The following ASZ1 variants were observed in gnomAD, a reference collection of about 807,000 sequenced individuals.
The protein encoded by ASZ1 is ankyrin repeat, SAM and basic leucine zipper domain containing 1.
In ASZ1, 67 loss-of-function variants were observed where a neutral mutation model predicts 61.8. The observed-to-expected ratio is 1.08, with a 90% CI of 0.89 to 1.33. ASZ1 has a LOEUF of 1.33. ASZ1 is among the 40% of genes most tolerant of loss of function. ASZ1 has a pLI of 0.00. For synonymous variants in ASZ1, 193 were observed against 192.7 expected (o/e 1.00, Z -0.01); for missense variants, 577 against 554.5 (o/e 1.04, Z -0.41).
At chr7:117,393,815 A>G (rs1796523933) in intron 4 of ASZ1, among the ~76,000 whole-genome samples, 1 of 152,134 alleles carries the variant, frequency 6.6e-6, no homozygotes, top group South Asian at 2.1e-4. Flanking sequence ...TTGGACATAG[A>G]ATCACCTTGT....
chr7:117,401,088 A>T (rs1796672059), intron 4 of ASZ1, among the ~76,000 whole-genome samples: 1 of 152,218 alleles, frequency 6.6e-6, no homozygotes, highest in Admixed American at 6.5e-5. Flanking sequence ...TGGGTTTAAT[A>T]GTGGATTAGC....
chr7:117,367,577 C>G (rs551382056), intron 11 of ASZ1, 112 bp from the exon 12 acceptor site: 3 of 1,190,502 alleles, frequency 2.5e-6, no homozygotes, highest in Non-Finnish European at 3.2e-6. Flanking sequence ...AATTGAAAGG[C>G]ATTTTTTTGT....
intron 6 of ASZ1, among the ~76,000 whole-genome samples, chr7:117,384,519 T>C (rs899629053): frequency 5.3e-5 from 8 of 152,142 alleles, no homozygotes; most frequent in Non-Finnish European, 1.2e-4. Flanking sequence ...TAAATTACTA[T>C]AAGTGCTTCT....
chr7:117,403,969 C>T (rs1196995535), intron 4 of ASZ1, among the ~76,000 whole-genome samples: 8 of 152,146 alleles, frequency 5.3e-5, no homozygotes, highest in Admixed American at 2.0e-4. Context: ...GAGAATCTAA[C>T]GCCTGACGAT....
intron 10 of ASZ1, among the ~76,000 whole-genome samples, chr7:117,378,340 A>G (rs1369471435): frequency 6.6e-6 from 1 of 152,190 alleles, no homozygotes; most frequent in Non-Finnish European, 1.5e-5. Context: ...CTCAACATTA[A>G]AAAACAATTA....
intron 4 of ASZ1, among the ~76,000 whole-genome samples, chr7:117,412,128 T>C (rs1392256895): frequency 1.3e-5 from 2 of 150,476 alleles, no homozygotes; most frequent in Non-Finnish European, 1.5e-5. Context: ...TTAAAAAGGA[T>C]TAGGGACATT....
chr7:117,425,010 G>A (rs564402984), intron 2 of ASZ1, among the ~76,000 whole-genome samples: 189 of 152,234 alleles, frequency 1.2e-3, no homozygotes, highest in Non-Finnish European at 2.0e-3. Flanking sequence ...GGAAGATTTG[G>A]TAACTTAGTC....
In ASZ1 at chr7:117,422,591, G is replaced by T. The variant is rs1351421334; in HGVS notation, c.206-232C>A. On this transcript the variant is annotated intron_variant, in intron 2 of 12. Transcript: ENST00000284629. ...ATGTTCCGAGACTGATATGACTGAT[G>T]TTTTATCATATATGTAACTGAGTAT... 2.0e-5 allele frequency among the ~76,000 whole-genome samples: 3 copies of T among 152,216 alleles called. No individual in the cohort carries two copies. The East Asian group carries it at 5.8e-4, about 29-fold the overall frequency.
chr7:117,385,903 C>A, intron 4 of ASZ1, 94 bp from the exon 5 acceptor site: 1 of 958,010 alleles, frequency 1.0e-6, no homozygotes, highest in South Asian at 1.7e-5. Context: ...ACCAGTACTG[C>A]TTTGAAAACG....
intron 3 of ASZ1, among the ~76,000 whole-genome samples, chr7:117,421,721 T>C (rs1797102797): frequency 6.6e-6 from 1 of 152,118 alleles, no homozygotes; most frequent in South Asian, 2.1e-4. Flanking sequence ...CTATTGAAAA[T>C]ATGTTAAAAA....
intron 4 of ASZ1, among the ~76,000 whole-genome samples, chr7:117,408,988 A>C (rs1447801332): frequency 6.6e-6 from 1 of 152,130 alleles, no homozygotes; most frequent in African/African-American, 2.4e-5. Flanking sequence ...AGATCTCAGT[A>C]AGTGGAATAA....
intron 4 of ASZ1, among the ~76,000 whole-genome samples, chr7:117,417,576 G>T (rs1447716352): frequency 6.6e-6 from 1 of 152,024 alleles, no homozygotes; most frequent in Non-Finnish European, 1.5e-5. Flanking sequence ...GATATGTTTT[G>T]TCTTTCACAT....
At chr7:117,364,022 G>A (rs111283611) in intron 12 of ASZ1, among the ~76,000 whole-genome samples, 5 of 152,190 alleles carry the variant, frequency 3.3e-5, no homozygotes, top group African/African-American at 1.2e-4. Context: ...TTAATGTCAC[G>A]AGACAAAGTA....
At position 117,426,488 on chromosome 7, in the gene ASZ1, C is replaced by CAAAA. The variant is rs10625452; in HGVS notation, c.205+344_205+347dup. Among the ~76,000 whole-genome samples the CAAAA allele has an allele frequency of 5.4e-3, 182 of 33,838 alleles. 3 individuals carry two copies. Among genetic ancestry groups the CAAAA allele is most frequent in the African/African-American group, 0.02 (151 of 7,700 alleles). 22.2% of individuals were successfully genotyped at this position (33,838 alleles called of 152,430 possible). On this transcript the variant is annotated intron_variant, in intron 2 of 12. Transcript: ENST00000284629. ...TGGGCCACAGAGCAAGATAACATCT[C>CAAAA]AAAAAAAAAAAAAAAAAAAAAAGAA...
intron 10 of ASZ1, among the ~76,000 whole-genome samples, chr7:117,371,193 G>C (rs1017039842): frequency 1.3e-5 from 2 of 152,024 alleles, no homozygotes; most frequent in African/African-American, 4.8e-5. Flanking sequence ...ACTATACAAA[G>C]TTTCTTACAC....
At chr7:117,381,388 A>T (rs1422304866) in intron 8 of ASZ1, among the ~76,000 whole-genome samples, 2 of 152,148 alleles carry the variant, frequency 1.3e-5, no homozygotes, top group Non-Finnish European at 2.9e-5. Context: ...TAAATTTCTG[A>T]CTGTATCACA....
chr7:117,379,162 T>TACAC (rs1360929671), intron 10 of ASZ1, among the ~76,000 whole-genome samples: 6 of 57,066 alleles, frequency 1.1e-4, no homozygotes, highest in African/African-American at 7.1e-4. Context: ...TATATATATA[T>TACAC]ATATATACAC....
At position 117,422,321 on chromosome 7, in the gene ASZ1, G is replaced by C; in HGVS notation, c.244C>G (p.Pro82Ala). 1 of 1,612,904 alleles carries C rather than the reference G, an allele frequency of 6.2e-7. No homozygotes were observed. Among genetic ancestry groups the C allele is most frequent in the Non-Finnish European group, 8.5e-7 (1 of 1,179,530 alleles). Residue 82 changes from proline (P) to alanine (A), a missense_variant, in exon 3 of 13, where the codon CCC becomes GCC. Transcript: ENST00000284629. ...GCAACACTAGCAGCATACATAAGGGGAGTCCATCCATACTGAAAGTTGGAA... is the reference window on the plus strand; with the variant it reads ...GCAACACTAGCAGCATACATAAGGGCAGTCCATCCATACTGAAAGTTGGAA... ...VDSNFQYGWT[P>A]LMYAASVANA...
chr7:117,380,192 T>C (rs1470461332), intron 9 of ASZ1, 145 bp from the exon 10 acceptor site: 3 of 590,384 alleles, frequency 5.1e-6, no homozygotes, highest in Non-Finnish European at 8.8e-6. Context: ...CTAAAAAATA[T>C]GTTTTTCTTA....
Sources: allele counts gnomAD v4.1 joint callset (sites outside exome capture counted in the v4.1 genomes callset), GRCh38; gene constraint gnomAD v4.1.1; transcripts MANE v1.5; gene names NCBI Gene and HGNC (gene_info 2026-07-23, HGNC 2026-07-21).